Variants in FOXK1 observed in about 807,000 individuals in gnomAD.
FOXK1 encodes the protein forkhead box K1.
FOXK1 carries 19 observed loss-of-function variants against 51.9 expected under a neutral mutation model. The ratio of observed to expected loss-of-function variants is 0.37; its 90% CI spans 0.26 to 0.54. The LOEUF is 0.54. FOXK1 is among the 20% of genes least tolerant of loss of function. The probability of loss-of-function intolerance (pLI) is 0.87; values close to 1 mark genes in which losing one functional copy is unlikely to be tolerated. For missense variants in FOXK1, 870 were observed against 1,032.7 expected, an observed-to-expected ratio of 0.84 and a Z score of 2.16; for synonymous variants, 537 against 482.6, an observed-to-expected ratio of 1.11 and a Z score of -1.48.
intron 1 of FOXK1, among the ~76,000 whole-genome samples, chr7:4,720,949 G>C (rs1301316743): frequency 2.6e-5 from 4 of 151,764 alleles, no homozygotes; most frequent in Non-Finnish European, 5.9e-5. Context: ...ACACGTGTTA[G>C]TCAGGCTGGT....
chr7:4,769,612 G>GT lies in FOXK1; in HGVS notation c.*7149dup. On this transcript the variant is annotated 3_prime_UTR_variant, in exon 9 of 9. Coordinates refer to ENST00000328914, the MANE Select transcript of FOXK1 (RefSeq NM_001037165.2). This position sits in a 1 kb window ranked among gnomAD's most constrained non-coding sequence, Gnocchi z 4.1. ...CTGCCACCACACCCGGCTAATTTTTGTATTTCTAATAGAGATGAGAGTGTT... is the reference window on the plus strand; with the variant it reads ...CTGCCACCACACCCGGCTAATTTTTGTTATTTCTAATAGAGATGAGAGTGTT... 1 of 152,242 alleles carries GT rather than the reference G, an allele frequency of 6.6e-6. No homozygotes were observed. The highest frequency in any genetic ancestry group is 1.9e-4 in the East Asian group (1 of 5,174). The allele number at this position is 152,242 out of a possible 1,614,324, so 9.4% of individuals were successfully genotyped here.
intron 2 of FOXK1, among the ~76,000 whole-genome samples, chr7:4,746,708 A>G (rs961600125): frequency 6.6e-6 from 1 of 152,164 alleles, no homozygotes; most frequent in Admixed American, 6.5e-5. Flanking sequence ...TAATTAAAAA[A>G]CACAAGTTTG....
Position 4,723,222 on chromosome 7 carries a change from C to T in FOXK1, c.561-17616C>T, listed in dbSNP as rs1013978828. On this transcript the variant is annotated intron_variant, in intron 1 of 8. Coordinates refer to ENST00000328914, the MANE Select transcript of FOXK1 (RefSeq NM_001037165.2). The surrounding 1 kb of genome is among the most constrained non-coding windows in gnomAD (Gnocchi z 4.7). ...GGGTGGACACCCATGGCGGCTTGCA[C>T]GTTGCACGTCCCCCGGCTCAGCACC... Among the ~76,000 whole-genome samples, 1 of 152,076 alleles carries T rather than the reference C, an allele frequency of 6.6e-6. No individual in the cohort carries two copies. Among genetic ancestry groups the T allele is most frequent in the South Asian group, 2.1e-4 (1 of 4,776 alleles).
chr7:4,752,583 C>T (rs1357655306), intron 2 of FOXK1, among the ~76,000 whole-genome samples: 1 of 152,230 alleles, frequency 6.6e-6, no homozygotes, highest in Non-Finnish European at 1.5e-5. Flanking sequence ...GATCCAGGAG[C>T]CCGCCTGCCA....
In FOXK1 at chr7:4,756,307, G is replaced by A. The variant is rs1780852390; in HGVS notation, c.1051-687G>A. 6.6e-6 allele frequency among the ~76,000 whole-genome samples: 1 copy of A among 151,976 alleles called. No homozygotes were observed. Among genetic ancestry groups the A allele is most frequent in the Non-Finnish European group, 1.5e-5 (1 of 67,984 alleles). The stretch of plus-strand genomic sequence containing the variant: ...TTTTTGTATTTTTAGTAGAGATGGG[G>A]TTTCACCATGTTGCCCAGGCTGGTC... On this transcript the variant is annotated intron_variant, in intron 4 of 8. Transcript: ENST00000328914. This position sits in a 1 kb window ranked among gnomAD's most constrained non-coding sequence, Gnocchi z 4.1.
chr7:4,699,858 T>C (rs912054595), intron 1 of FOXK1, among the ~76,000 whole-genome samples: 3 of 152,244 alleles, frequency 2.0e-5, no homozygotes, highest in African/African-American at 7.2e-5. Flanking sequence ...TTGCGTTTCC[T>C]GGGCCATAAT....
intron 5 of FOXK1, 74 bp downstream of exon 5, chr7:4,757,261 G>T: frequency 7.5e-7 from 1 of 1,338,886 alleles, no homozygotes; most frequent in Non-Finnish European, 1.0e-6. Context: ...GATACGTGGC[G>T]CAGTCAGCCC....
In FOXK1 at chr7:4,770,539, TAATC is replaced by T. The variant is rs1216822856; in HGVS notation, c.*8078_*8081del. 6.6e-6 allele frequency: 1 copy of T among 151,860 alleles called. No individual in the cohort carries two copies. The highest frequency in any genetic ancestry group is 2.4e-5 in the African/African-American group (1 of 41,276). The allele number at this position is 151,860 out of a possible 1,614,324, so 9.4% of individuals were successfully genotyped here. A position where few individuals can be genotyped will look rare whatever the true frequency, so the allele number is the denominator to read the frequency against. ...GAGGGAGACTCTGTCTCAAAAATAA[TAATC>T]AAATCAAGTATTTTAAGTTTGGCTC... is the stretch of plus-strand genomic sequence containing the variant. On this transcript the variant is annotated 3_prime_UTR_variant, in exon 9 of 9. Coordinates refer to ENST00000328914, the MANE Select transcript of FOXK1 (RefSeq NM_001037165.2).
At chr7:4,719,100 C>T (rs1780275268) in intron 1 of FOXK1, among the ~76,000 whole-genome samples, 1 of 151,488 alleles carries the variant, frequency 6.6e-6, no homozygotes, top group Non-Finnish European at 1.5e-5. Context: ...TGAGCCACCA[C>T]ACCCAACCTT....
Position 4,682,396 on chromosome 7 carries a change from G to T in FOXK1, c.88G>T (p.Ala30Ser). 1 of 981,204 alleles carries T rather than the reference G, an allele frequency of 1.0e-6. No homozygotes were observed. The highest frequency in any genetic ancestry group is 1.8e-5 in the African/African-American group (1 of 56,692). The allele number at this position is 981,204 out of a possible 1,614,324, so 60.8% of individuals were successfully genotyped here. ...CAGCCCAGTGCTGTGCGCCGCAGCC[G>T]CCGCCGCCGCCTTCCCCGCGGCCGC... ...PCSPVLCAAA[A>S]AAAFPAAAPP... Residue 30 changes from alanine to serine, a missense_variant, in exon 1 of 9, where the codon GCC becomes TCC. Coordinates refer to ENST00000328914, the MANE Select transcript of FOXK1 (RefSeq NM_001037165.2). The surrounding 1 kb of genome is among the most constrained non-coding windows in gnomAD (Gnocchi z 7.6).
rs540033082 is a variant in FOXK1, at chr7:4,758,498, C to T, written c.1245-553C>T. The T allele has an allele frequency of 2.0e-5, 3 of 152,548 alleles. No individual in the cohort carries two copies. Among genetic ancestry groups the T allele is most frequent in the Non-Finnish European group, 2.9e-5 (2 of 68,212 alleles). The allele number at this position is 152,548 out of a possible 1,614,324, so 9.4% of individuals were successfully genotyped here. ...CCATTTCAAAATTCTGTTTCCAACA[C>T]GATTTGATGAAAGATTGAAATATCT... On this transcript the variant is annotated intron_variant, in intron 5 of 8. Coordinates refer to ENST00000328914, the MANE Select transcript of FOXK1 (RefSeq NM_001037165.2). This position sits in a 1 kb window ranked among gnomAD's most constrained non-coding sequence, Gnocchi z 4.4.
In FOXK1 at chr7:4,740,284, G is replaced by A. The variant is rs538780064; in HGVS notation, c.561-554G>A. ...TCTCTACTAAAAATATAAAAAATTA[G>A]CCGGGCGTGGTGGCGGGCGCCTGTA... On this transcript the variant is annotated intron_variant, in intron 1 of 8. Coordinates refer to ENST00000328914, the MANE Select transcript of FOXK1 (RefSeq NM_001037165.2). 2.0e-5 allele frequency among the ~76,000 whole-genome samples: 3 copies of A among 152,230 alleles called. No homozygotes were observed. The East Asian group carries it at 5.8e-4, about 29-fold the overall frequency.
At chr7:4,712,871 CTCTGT>C (rs1163329019) in intron 1 of FOXK1, among the ~76,000 whole-genome samples, 1 of 152,182 alleles carries the variant, frequency 6.6e-6, no homozygotes, top group Non-Finnish European at 1.5e-5. Flanking sequence ...AATCATTGCT[CTCTGT>C]TCTGTTTATT....
chr7:4,705,538 TC>T (rs938920210), intron 1 of FOXK1, among the ~76,000 whole-genome samples: 16 of 148,056 alleles, frequency 1.1e-4, no homozygotes, highest in African/African-American at 3.8e-4. Context: ...TCTCTCTCTC[TC>T]TCTCTCTCTC....
intron 1 of FOXK1, among the ~76,000 whole-genome samples, chr7:4,705,552 T>TCTCTCTCTCTCTCTCTCTCGCTCTCG (rs1780076728): frequency 7.0e-6 from 1 of 143,582 alleles, no homozygotes; most frequent in African/African-American, 2.7e-5. Context: ...TCTCTCTCTC[T>TCTCTCTCTCTCTCTCTCTCGCTCTCG]CTCTCTCGCT....
chr7:4,732,956 C>T (rs1465246430), intron 1 of FOXK1, among the ~76,000 whole-genome samples: 2 of 152,234 alleles, frequency 1.3e-5, no homozygotes, highest in Non-Finnish European at 2.9e-5. Flanking sequence ...TCTAGAACTT[C>T]GCTCAGCAGT....
rs374196300 is a variant in FOXK1 at position 4,704,834 on chromosome 7, C to T, written c.560+21966C>T. 4.2e-4 allele frequency among the ~76,000 whole-genome samples: 55 copies of T among 131,398 alleles called. 1 individual carries two copies. Among genetic ancestry groups the T allele is most frequent in the Non-Finnish European group, 6.8e-4 (43 of 63,610 alleles). 86.2% of individuals were successfully genotyped at this position (131,398 alleles called of 152,430 possible). ...CTCCCAAACCAATCTATGTTTCATT[C>T]TTTTTTTTTTTTTTTGAGAAAAAGT... On this transcript the variant is annotated intron_variant, in intron 1 of 8. Coordinates refer to ENST00000328914, the MANE Select transcript of FOXK1 (RefSeq NM_001037165.2).
Position 4,743,674 on chromosome 7 carries a change from C to T in FOXK1, c.746+2651C>T, listed in dbSNP as rs1027572819. ...CTTAAAGGCGCTGTAGAAATGGTGG[C>T]CAAGACCAGCTCACGTGCTAGTGGA... On this transcript the variant is annotated intron_variant, in intron 2 of 8. Coordinates refer to ENST00000328914, the MANE Select transcript of FOXK1 (RefSeq NM_001037165.2). This position sits in a 1 kb window ranked among gnomAD's most constrained non-coding sequence, Gnocchi z 5.3. 2.6e-5 allele frequency among the ~76,000 whole-genome samples: 4 copies of T among 152,180 alleles called. No individual in the cohort carries two copies. The highest frequency in any genetic ancestry group is 7.2e-5 in the African/African-American group (3 of 41,436).
chr7:4,726,489 G>A (rs753037339), intron 1 of FOXK1, among the ~76,000 whole-genome samples: 23 of 152,194 alleles, frequency 1.5e-4, no homozygotes, highest in South Asian at 4.1e-4. Flanking sequence ...GGGCACAGTG[G>A]CACGTGCCTG....
Sources: allele counts gnomAD v4.1 joint callset (sites outside exome capture counted in the v4.1 genomes callset), GRCh38; gene constraint gnomAD v4.1.1; non-coding constraint Gnocchi (gnomAD v3.1); transcripts MANE v1.5; gene names NCBI Gene and HGNC (gene_info 2026-07-23, HGNC 2026-07-21).